MYO16: variants seen among roughly 807,000 people sequenced by gnomAD.
MYO16 encodes unconventional myosin-XVI.
A neutral mutation model predicts 205.3 loss-of-function variants in MYO16; 94 were observed. The observed-to-expected ratio is 0.46, with a 90% CI of 0.39 to 0.54. MYO16 has a LOEUF of 0.54. Among genes scored for constraint, MYO16 ranks in the 20% least tolerant of loss-of-function variants. The pLI, the probability that MYO16 is intolerant of heterozygous loss-of-function variation, is 0.00. For missense variants in MYO16, 2,315 were observed against 2,387.5 expected (o/e 0.97, Z 0.63); for synonymous variants, 988 against 954.0 (o/e 1.04, Z -0.66).
the MYO16 span, among the ~76,000 whole-genome samples, chr13:108,589,422 T>G: frequency 6.6e-6 from 1 of 152,212 alleles, no homozygotes; most frequent in African/African-American, 2.4e-5. Flanking sequence ...CCCTGGATTA[T>G]AAAATACCAG....
Position 109,140,532 on chromosome 13 carries a change from C to G in MYO16, c.4320C>G (p.His1440Gln). 2 of 1,550,716 alleles carry G rather than the reference C, an allele frequency of 1.3e-6. No individual in the cohort carries two copies. The highest frequency in any genetic ancestry group is 1.7e-6 in the Non-Finnish European group (2 of 1,156,382). Residue 1440 changes from histidine to glutamine, a missense_variant, in exon 32 of 35, where the codon CAC (histidine) becomes CAG (glutamine). Around this residue, in one of 3 missense-constraint regions of MYO16, gnomAD observed 1,097 missense variants for 1,092.0 expected, o/e 1.00. Transcript: ENST00000457511. The surrounding 1 kb of genome is among the most constrained non-coding windows in gnomAD (Gnocchi z 8.0). ...CTGTGTACATCGAGATGCTGGGGCA[C>G]GCGGCCAGGCCCGATAGCCCGGACC... ...SEPVYIEMLG[H>Q]AARPDSPDPG...
At chr13:109,067,277 A>G (rs1887782297) in intron 27 of MYO16, among the ~76,000 whole-genome samples, 1 of 152,212 alleles carries the variant, frequency 6.6e-6, no homozygotes, top group African/African-American at 2.4e-5. Context: ...TGTTTTTCCA[A>G]ATAACATTTA....
At chr13:109,092,095 G>C (rs778708237) in intron 27 of MYO16, among the ~76,000 whole-genome samples, 7 of 152,000 alleles carry the variant, frequency 4.6e-5, no homozygotes, top group Non-Finnish European at 8.8e-5. Context: ...ATTTCTAAGG[G>C]GTTTCAGGAC....
At chr13:108,988,382 G>C (rs1330540836) in intron 20 of MYO16, among the ~76,000 whole-genome samples, 1 of 151,980 alleles carries the variant, frequency 6.6e-6, no homozygotes, top group Non-Finnish European at 1.5e-5. Flanking sequence ...AATTGCAAAA[G>C]TCGTCCTTAA....
chr13:108,518,573 G>A, the MYO16 span, among the ~76,000 whole-genome samples: 12 of 152,168 alleles, frequency 7.9e-5, no homozygotes, highest in African/African-American at 2.4e-4. Context: ...TTTTTGAACA[G>A]AGAGGTGTTT....
In MYO16 at chr13:108,970,427, T is replaced by C. The variant is rs990649222; in HGVS notation, c.2369+5525T>C. ...ACTTTTCTGGTCACTTTTAAATAAA[T>C]CACAGTTCTATGGACGCTTTAATCC... On this transcript the variant is annotated intron_variant, in intron 20 of 34. Coordinates refer to ENST00000457511, the MANE Select transcript of MYO16 (RefSeq NM_001198950.3). Among the ~76,000 whole-genome samples, 6 of 152,158 alleles carry C rather than the reference T, an allele frequency of 3.9e-5. No homozygotes were observed. In the South Asian group the frequency reaches 1.2e-3, roughly 32 times the overall value.
At chr13:109,032,160 G>C (rs563741430) in intron 23 of MYO16, among the ~76,000 whole-genome samples, 3 of 152,086 alleles carry the variant, frequency 2.0e-5, no homozygotes, top group African/African-American at 7.2e-5. Flanking sequence ...CCCTGGTTTT[G>C]GGGTTGATTC....
chr13:108,909,619 G>A (rs1881165869), intron 15 of MYO16, among the ~76,000 whole-genome samples: 1 of 151,564 alleles, frequency 6.6e-6, no homozygotes, highest in Non-Finnish European at 1.5e-5. Context: ...CTTTAGTGGG[G>A]CACTTTTTGA....
chr13:109,148,949 G>T (rs990381498), intron 32 of MYO16, among the ~76,000 whole-genome samples: 1 of 152,092 alleles, frequency 6.6e-6, no homozygotes, highest in Non-Finnish European at 1.5e-5. Context: ...GAAACTTCAG[G>T]GTGTGTGGTT....
In MYO16 at chr13:109,206,653, G is replaced by T; in HGVS notation, c.5460G>T (p.Leu1820=). The change falls in exon 35 of 35, where the codon CTG becomes CTT. Residue 1820 remains leucine, a synonymous_variant. Transcript: ENST00000457511. ...TCTCAGAGAATGAAAGTGTGGCCCT[G>T]CAGGAACTCTTGGACTGGAGGAGAA... ...LRLSENESVA[L]QELLDWRRKL... is the part of the protein sequence containing the mutation. The T allele has an allele frequency of 6.2e-7, 1 of 1,614,072 alleles. No individual in the cohort carries two copies. The highest frequency in any genetic ancestry group is 8.5e-7 in the Non-Finnish European group (1 of 1,179,946).
intron 16 of MYO16, among the ~76,000 whole-genome samples, chr13:108,910,430 A>G (rs1022186821): frequency 3.3e-5 from 5 of 152,212 alleles, no homozygotes; most frequent in African/African-American, 4.8e-5. Flanking sequence ...TATTTTGGCT[A>G]TAACATGAGT....
chr13:108,748,016 CATTTACAGA>C (rs1466542500), intron 4 of MYO16, among the ~76,000 whole-genome samples: 1 of 152,012 alleles, frequency 6.6e-6, no homozygotes, highest in African/African-American at 2.4e-5. Flanking sequence ...ACTGAATTAA[CATTTACAGA>C]ATGTTCCAGC....
intron 20 of MYO16, among the ~76,000 whole-genome samples, chr13:108,989,856 AAAC>A (rs1232839059): frequency 3.3e-5 from 5 of 152,128 alleles, no homozygotes; most frequent in Admixed American, 6.6e-5. Flanking sequence ...TACTTTTAAA[AAAC>A]TTATTTTTTA....
the MYO16 span, among the ~76,000 whole-genome samples, chr13:108,561,451 A>G: frequency 6.6e-6 from 1 of 152,232 alleles, no homozygotes; most frequent in Non-Finnish European, 1.5e-5. Flanking sequence ...AACTGAAGCA[A>G]TGCTGCTTGA....
intron 27 of MYO16, among the ~76,000 whole-genome samples, chr13:109,070,732 G>A (rs1352789100): frequency 6.6e-6 from 1 of 152,090 alleles, no homozygotes; most frequent in African/African-American, 2.4e-5. Context: ...TCTTTTAAAG[G>A]TTACCTTTCA....
At position 109,084,571 on chromosome 13, in the gene MYO16, C is replaced by T. The variant is rs73618359; in HGVS notation, c.3336-16214C>T. 3.6e-3 allele frequency among the ~76,000 whole-genome samples: 543 copies of T among 152,148 alleles called. 4 individuals are homozygous for T. Among genetic ancestry groups the T allele is most frequent in the African/African-American group, 0.012 (489 of 41,506 alleles). On this transcript the variant is annotated intron_variant, in intron 27 of 34. Transcript: ENST00000457511. ...GGATGGTCACTAGCATCATCACATC[C>T]GTGAATCATTATTAGAATCATATTA...
intron 22 of MYO16, among the ~76,000 whole-genome samples, chr13:109,017,706 C>T (rs1885876592): frequency 1.3e-5 from 2 of 151,974 alleles, no homozygotes; most frequent in African/African-American, 2.4e-5. Context: ...ACTTCATTTC[C>T]TTAATTTGAT....
In MYO16 at chr13:109,008,886, C is replaced by T. The variant is rs993819492; in HGVS notation, c.2443-11C>T. On this transcript the variant is annotated splice_polypyrimidine_tract_variant and intron_variant, in intron 21 of 34. Transcript: ENST00000457511. The stretch of plus-strand genomic sequence containing the variant: ...ATCTGGTGAAATGTTTTCTTGTTTT[C>T]TCCACAACAGCTTTGTGTCAACATG... 6.2e-7 allele frequency: 1 copy of T among 1,611,208 alleles called. No individual in the cohort carries two copies. The highest frequency in any genetic ancestry group is 1.7e-5 in the Admixed American group (1 of 59,458).
intron 4 of MYO16, among the ~76,000 whole-genome samples, chr13:108,747,474 G>T (rs1487170415): frequency 6.6e-6 from 1 of 152,070 alleles, no homozygotes; most frequent in Non-Finnish European, 1.5e-5. Flanking sequence ...GGTAGATTTG[G>T]ATTAGTTAAA....
Sources: gnomAD v4.1 joint callset for allele counts (sites outside exome capture counted in the v4.1 genomes callset) on GRCh38, gnomAD v4.1.1 for gene constraint, gnomAD v4.1.1 regional missense constraint, Gnocchi (gnomAD v3.1) non-coding constraint, MANE v1.5 for transcripts, NCBI Gene and HGNC (gene_info 2026-07-23, HGNC 2026-07-21) for gene names.